The following FMN2 variants were observed in gnomAD, a reference collection of about 807,000 sequenced individuals.
FMN2 encodes the protein formin-2.
FMN2 carries 51 observed loss-of-function variants against 142.3 expected under a neutral mutation model. That is an observed-to-expected ratio of 0.36 (90% CI 0.29 to 0.45). The LOEUF (loss-of-function observed/expected upper bound fraction) is 0.45, where lower values mean the gene tolerates loss of function less well. Ranked by LOEUF, FMN2 falls within the 20% of genes least tolerant of loss-of-function variation. The pLI is 1.00. For missense variants in FMN2, 1,936 were observed against 2,122.8 expected (o/e 0.91, Z 1.73); for synonymous variants, 882 against 869.8 (o/e 1.01, Z -0.25).
At chr1:240,429,848 A>G (rs534561614) in intron 15 of FMN2, among the ~76,000 whole-genome samples, 120 of 150,880 alleles carry the variant, frequency 8.0e-4, no homozygotes, top group African/African-American at 2.7e-3. Flanking sequence ...TATTATTAGC[A>G]GGGCTGCTGT....
chr1:240,229,381 A>T (rs867425448), intron 6 of FMN2, among the ~76,000 whole-genome samples: 3 of 151,374 alleles, frequency 2.0e-5, no homozygotes, highest in Middle Eastern at 6.8e-3. Flanking sequence ...TCTTTCTTTC[A>T]CGTGCTGTGA....
chr1:240,265,276 A>G (rs925008184), intron 7 of FMN2, among the ~76,000 whole-genome samples: 85 of 152,272 alleles, frequency 5.6e-4, no homozygotes, highest in African/African-American at 2.0e-3. Flanking sequence ...TGTGAATTAA[A>G]TGAGGATAAA....
Position 240,159,618 on chromosome 1 carries a change from G to A in FMN2, c.1783-18303G>A, listed in dbSNP as rs186797302. 2.4e-4 allele frequency among the ~76,000 whole-genome samples: 37 copies of A among 152,096 alleles called. No homozygotes were observed. In the East Asian group the frequency reaches 4.6e-3, roughly 19 times the overall value. ...ACCATATCCAACTTGTAGCCATGTC[G>A]GAAAGCCTGTCCACACTATCATTAC... is the stretch of plus-strand genomic sequence containing the variant. On this transcript the variant is annotated intron_variant, in intron 2 of 17. Transcript: ENST00000319653.
At chr1:240,264,864 C>T (rs951884216) in intron 7 of FMN2, among the ~76,000 whole-genome samples, 1 of 152,072 alleles carries the variant, frequency 6.6e-6, no homozygotes, top group African/African-American at 2.4e-5. Context: ...GCTTCTTCCG[C>T]CTCCTTCCCT....
chr1:240,263,536 GA>G (rs1668697945), intron 7 of FMN2, among the ~76,000 whole-genome samples: 1 of 152,146 alleles, frequency 6.6e-6, no homozygotes, highest in African/African-American at 2.4e-5. Context: ...TTTCACCATT[GA>G]AAGCCCATTT....
rs551809087 is a variant in FMN2, at chr1:240,127,360, C to G, written c.1782+4015C>G. On this transcript the variant is annotated intron_variant, in intron 2 of 17. Coordinates refer to ENST00000319653, the MANE Select transcript of FMN2 (RefSeq NM_020066.5). ...GTGCTAGGATTACAGGCATGAGCCA[C>G]CATACCTGGCTTTTTTTTTTTTTTA... 3.3e-5 allele frequency among the ~76,000 whole-genome samples: 5 copies of G among 151,588 alleles called. No individual in the cohort carries two copies. In the East Asian group the frequency reaches 7.8e-4, roughly 24 times the overall value.
chr1:240,137,378 G>A (rs1361394534), intron 2 of FMN2, among the ~76,000 whole-genome samples: 2 of 152,154 alleles, frequency 1.3e-5, no homozygotes, highest in African/African-American at 2.4e-5. Flanking sequence ...CTGTTGTGGT[G>A]TAAAAGCAGC....
chr1:240,123,486 C>T (rs1330962837), intron 2 of FMN2, 141 bp downstream of exon 2: 4 of 401,818 alleles, frequency 1.0e-5, no homozygotes, highest in Admixed American at 5.5e-5. Flanking sequence ...CTCAACAGCT[C>T]GGTATGTCTG....
At chr1:240,270,645 A>G (rs984352161) in intron 7 of FMN2, among the ~76,000 whole-genome samples, 4 of 152,164 alleles carry the variant, frequency 2.6e-5, no homozygotes, top group African/African-American at 9.6e-5. Flanking sequence ...ATATATACAC[A>G]ATGAAATACA....
intron 4 of FMN2, among the ~76,000 whole-genome samples, chr1:240,205,792 T>C (rs1488606749): frequency 1.3e-5 from 2 of 151,954 alleles, no homozygotes; most frequent in African/African-American, 4.8e-5. Flanking sequence ...AACGTTTTTT[T>C]TTTCTTGAAG....
At chr1:240,389,990 AT>A (rs1159707283) in intron 14 of FMN2, among the ~76,000 whole-genome samples, 1 of 152,174 alleles carries the variant, frequency 6.6e-6, no homozygotes, top group African/African-American at 2.4e-5. Context: ...GTGATGATGC[AT>A]TTATGCAAAC....
chr1:240,202,591 T>C (rs1666167068), intron 4 of FMN2, among the ~76,000 whole-genome samples: 1 of 152,074 alleles, frequency 6.6e-6, no homozygotes, highest in Non-Finnish European at 1.5e-5. Context: ...GCCTCTCAAG[T>C]AGCTAGGACT....
chr1:240,313,812 A>G (rs750801864), intron 8 of FMN2, among the ~76,000 whole-genome samples: 1 of 152,062 alleles, frequency 6.6e-6, no homozygotes, highest in African/African-American at 2.4e-5. Context: ...TACTAGAAAT[A>G]CAAATACAAA....
chr1:240,474,268 T>C lies in FMN2; in HGVS notation c.*114T>C. On this transcript the variant is annotated 3_prime_UTR_variant, in exon 18 of 18. Coordinates refer to ENST00000319653, the MANE Select transcript of FMN2 (RefSeq NM_020066.5). The stretch of plus-strand genomic sequence containing the variant: ...CTGCTCATGTTTCTTCTTGACCTCT[T>C]GCATAATCTTTTTGTTTTCTAGACA... 1.0e-6 allele frequency: 1 copy of C among 1,001,538 alleles called. No homozygotes were observed. The highest frequency in any genetic ancestry group is 1.4e-6 in the Non-Finnish European group (1 of 705,208). The allele number at this position is 1,001,538 out of a possible 1,614,324, so 62.0% of individuals were successfully genotyped here.
chr1:240,286,835 C>G (rs1021330795), intron 7 of FMN2, among the ~76,000 whole-genome samples: 2 of 152,166 alleles, frequency 1.3e-5, no homozygotes, highest in African/African-American at 2.4e-5. Context: ...CTTTCAAACT[C>G]TGTCACTTTG....
At chr1:240,141,972 A>G (rs1274287582) in intron 2 of FMN2, among the ~76,000 whole-genome samples, 1 of 152,182 alleles carries the variant, frequency 6.6e-6, no homozygotes, top group Non-Finnish European at 1.5e-5. Context: ...ATTTAGACTT[A>G]GTTCCCATGA....
At chr1:240,247,850 CAT>C (rs1668131673) in intron 6 of FMN2, among the ~76,000 whole-genome samples, 1 of 152,082 alleles carries the variant, frequency 6.6e-6, no homozygotes, top group Admixed American at 6.6e-5. Flanking sequence ...TATGATACAT[CAT>C]ATTTATACAT....
At chr1:240,117,748 G>A (rs920722653) in intron 1 of FMN2, among the ~76,000 whole-genome samples, 6 of 152,268 alleles carry the variant, frequency 3.9e-5, no homozygotes, top group African/African-American at 9.6e-5. Context: ...ATTGATGATC[G>A]AAAAATTAAT....
At chr1:240,310,695 T>C (rs991416328) in intron 8 of FMN2, among the ~76,000 whole-genome samples, 1 of 152,300 alleles carries the variant, frequency 6.6e-6, no homozygotes, top group Non-Finnish European at 1.5e-5. Flanking sequence ...CTATTGCTTC[T>C]GAATCTTGAA....
Sources: allele counts gnomAD v4.1 joint callset (sites outside exome capture counted in the v4.1 genomes callset), GRCh38; gene constraint gnomAD v4.1.1; transcripts MANE v1.5; gene names NCBI Gene and HGNC (gene_info 2026-07-23, HGNC 2026-07-21).